Variants in MRPS5 observed in about 807,000 individuals in gnomAD.
MRPS5 encodes mitochondrial ribosomal protein S5.
Under a neutral mutation model 51.9 loss-of-function variants are expected in MRPS5, and 27 were observed. The observed-to-expected ratio is 0.52, with a 90% CI of 0.38 to 0.72. The LOEUF is 0.72. Ranked by LOEUF, MRPS5 falls within the 30% of genes least tolerant of loss-of-function variation. MRPS5 has a pLI of 0.00. For synonymous variants in MRPS5, 196 were observed against 193.2 expected (o/e 1.01, Z -0.12); for missense variants, 570 against 545.7 (o/e 1.04, Z -0.44).
At chr2:95,090,613 G>T in intron 10 of MRPS5, 91 bp from the exon 11 acceptor site, 1 of 1,487,232 alleles carries the variant, frequency 6.7e-7, no homozygotes, top group Non-Finnish European at 9.2e-7. Context: ...CAGGCTCTGG[G>T]CTTCGGGAAA....
chr2:95,114,372 C>T (rs1191626890), intron 3 of MRPS5, among the ~76,000 whole-genome samples: 3 of 151,552 alleles, frequency 2.0e-5, no homozygotes, highest in African/African-American at 7.3e-5. Context: ...ATTCTCCTGC[C>T]TCAGCCTCCC....
At chr2:95,114,284 G>C (rs2104426209) in intron 3 of MRPS5, among the ~76,000 whole-genome samples, 1 of 149,462 alleles carries the variant, frequency 6.7e-6, no homozygotes, top group Middle Eastern at 3.4e-3. Context: ...TGGAGATGGA[G>C]TCTCGCTCTG....
chr2:95,106,491 A>C, intron 5 of MRPS5, 34 bp from the exon 6 acceptor site: 1 of 1,564,416 alleles, frequency 6.4e-7, no homozygotes, highest in African/African-American at 1.4e-5. Context: ...ATACAGATGA[A>C]ATGTGTGTAC....
At chr2:95,115,890 T>A (rs1168810591) in intron 2 of MRPS5, among the ~76,000 whole-genome samples, 1 of 152,150 alleles carries the variant, frequency 6.6e-6, no homozygotes, top group Non-Finnish European at 1.5e-5. Context: ...TAGCTTTTCT[T>A]GTATGCTCCT....
intron 10 of MRPS5, chr2:95,090,896 G>C (rs1301701195): frequency 5.6e-6 from 1 of 178,932 alleles, no homozygotes; most frequent in Non-Finnish European, 1.2e-5. Context: ...GCCCTGAGCA[G>C]AGGGTCCACT....
chr2:95,091,683 G>A (rs567109539), intron 10 of MRPS5: 42 of 152,260 alleles, frequency 2.8e-4, no homozygotes, highest in African/African-American at 9.4e-4. Context: ...GGACATTAAT[G>A]GCTTTCTAGT....
intron 4 of MRPS5, 133 bp downstream of exon 4, chr2:95,109,783 G>C (rs1676061454): frequency 5.9e-6 from 6 of 1,018,880 alleles, no homozygotes; most frequent in Non-Finnish European, 8.4e-6. Context: ...AAGTCAACTG[G>C]TTGAATTCTA....
intron 7 of MRPS5, 95 bp downstream of exon 7, chr2:95,104,545 G>C: frequency 7.4e-7 from 1 of 1,343,554 alleles, no homozygotes; most frequent in Non-Finnish European, 1.1e-6. Context: ...AAAAAGTCCG[G>C]CCAGCAGCAT....
Position 95,114,120 on chromosome 2 carries a change from CAAAAAAAAAA to C in MRPS5, c.277+936_277+945del, listed in dbSNP as rs1002543941. Among the ~76,000 whole-genome samples the C allele has an allele frequency of 1.2e-4, 5 of 43,022 alleles. No homozygotes were observed. The East Asian group carries it at 4.0e-3, about 34-fold the overall frequency. The allele number at this position is 43,022 out of a possible 152,430, so 28.2% of individuals were successfully genotyped here. On this transcript the variant is annotated intron_variant, in intron 3 of 11. Coordinates refer to ENST00000272418, the MANE Select transcript of MRPS5 (RefSeq NM_031902.5). ...GGTGACAAAGCGAGACTCCATCTCC[CAAAAAAAAAA>C]AAAAAAAAAAAAAAGGCAGCAAACT...
rs993051989 is a variant in MRPS5 at position 95,121,774 on chromosome 2, G to C, written c.18C>G (p.Arg6=). MATAV[R]AVGCLPVLCS... is the part of the protein sequence containing the mutation. Reference sequence around the variant, plus strand: ...ACAGCACGGGGAGGCAGCCCACAGCGCGCACCGCGGTCGCCATGCTGGAGT... The same window carrying C: ...ACAGCACGGGGAGGCAGCCCACAGCCCGCACCGCGGTCGCCATGCTGGAGT... The change falls in exon 1 of 12, where the codon CGC becomes CGG. Residue 6 remains arginine (R), a synonymous_variant. Coordinates refer to ENST00000272418, the MANE Select transcript of MRPS5 (RefSeq NM_031902.5). 6.4e-7 allele frequency: 1 copy of C among 1,552,222 alleles called. No individual in the cohort carries two copies. Among genetic ancestry groups the C allele is most frequent in the Non-Finnish European group, 8.6e-7 (1 of 1,158,558 alleles).
rs1676086634 is a variant in MRPS5, at chr2:95,110,471, T to C, written c.278-430A>G. Among the ~76,000 whole-genome samples, 4 of 152,300 alleles carry C rather than the reference T, an allele frequency of 2.6e-5. No homozygotes were observed. The South Asian group carries it at 8.3e-4, about 32-fold the overall frequency. On this transcript the variant is annotated intron_variant, in intron 3 of 11. Coordinates refer to ENST00000272418, the MANE Select transcript of MRPS5 (RefSeq NM_031902.5). The stretch of plus-strand genomic sequence containing the variant: ...GTCCAAACAAGAATCAACATTTCAA[T>C]CTGAACCCACAAATCTGGAACACAA...
rs191975554 is a variant in MRPS5 at position 95,086,423 on chromosome 2, G to A, written c.*934C>T. Among the ~76,000 whole-genome samples, 142 of 152,278 alleles carry A rather than the reference G, an allele frequency of 9.3e-4. No individual in the cohort carries two copies. Among genetic ancestry groups the A allele is most frequent in the South Asian group, 1.9e-3 (9 of 4,824 alleles). On this transcript the variant is annotated 3_prime_UTR_variant, in exon 12 of 12. Transcript: ENST00000272418. ...AAAGTACTGCATGGATGGTTCAAGA[G>A]CAGAATGGAAAGGAAAGAGTAAATA...
rs575024074 is a variant in MRPS5 at position 95,108,210 on chromosome 2, A to G, written c.602T>C (p.Ile201Thr). ...RGWSGNSWGG[I>T]SLGPPDPGPC... ...ACCAGGGTCAGGGGGGCCAAGACTG[A>G]TGCCTCCCCATGAGTTTCCACTCCA... The change falls in exon 5 of 12, where the codon ATC becomes ACC. Residue 201 changes from isoleucine (I) to threonine (T), a missense_variant. By Grantham distance (89) the Ile-to-Thr change is moderately conservative. Transcript: ENST00000272418. The G allele has an allele frequency of 1.2e-5, 19 of 1,614,160 alleles. No homozygotes were observed. In the Admixed American group the frequency reaches 3.2e-4, roughly 27 times the overall value.
chr2:95,098,091 T>C (rs1197300643), intron 10 of MRPS5, among the ~76,000 whole-genome samples: 1 of 152,052 alleles, frequency 6.6e-6, no homozygotes, highest in Non-Finnish European at 1.5e-5. Flanking sequence ...AACAGACACA[T>C]GAAAAAATGC....
intron 1 of MRPS5, among the ~76,000 whole-genome samples, chr2:95,119,652 G>A (rs1218644776): frequency 6.6e-6 from 1 of 151,370 alleles, no homozygotes; most frequent in African/African-American, 2.4e-5. Context: ...GATGGCTATA[G>A]TAAAAAAGAC....
intron 1 of MRPS5, among the ~76,000 whole-genome samples, chr2:95,120,402 G>C (rs1676406639): frequency 6.6e-6 from 1 of 152,210 alleles, no homozygotes; most frequent in African/African-American, 2.4e-5. Context: ...AAGCTACAGA[G>C]AGAGAGAAGG....
At chr2:95,101,821 A>G in intron 7 of MRPS5, 98 bp from the exon 8 acceptor site, 1 of 746,672 alleles carries the variant, frequency 1.3e-6, no homozygotes, top group Non-Finnish European at 2.2e-6. Flanking sequence ...ATTTCACAGC[A>G]CTTCATCTTT....
intron 7 of MRPS5, chr2:95,103,857 T>G (rs1675871547): frequency 6.6e-6 from 1 of 152,104 alleles, no homozygotes; most frequent in South Asian, 2.1e-4. Context: ...TTATGTAAAT[T>G]TTTTAAAGAT....
intron 10 of MRPS5, among the ~76,000 whole-genome samples, chr2:95,096,848 G>A (rs907987359): frequency 4.6e-5 from 7 of 152,106 alleles, no homozygotes; most frequent in Non-Finnish European, 5.9e-5. Flanking sequence ...GGGCAACCAC[G>A]CAAGAGAAAG....
Sources: allele counts gnomAD v4.1 joint callset (sites outside exome capture counted in the v4.1 genomes callset), GRCh38; gene constraint gnomAD v4.1.1; transcripts MANE v1.5; gene names NCBI Gene and HGNC (gene_info 2026-07-23, HGNC 2026-07-21).